Variants in GAPVD1 observed in about 807,000 individuals in gnomAD.
GAPVD1 encodes the protein GTPase activating protein and VPS9 domains 1, also known as GTPase-activating protein and VPS9 domain-containing protein 1.
GAPVD1 carries 35 observed loss-of-function variants against 155.5 expected under a neutral mutation model. That is an observed-to-expected ratio of 0.23 (90% CI 0.17 to 0.30). The LOEUF is 0.30. Among genes scored for constraint, GAPVD1 ranks in the 10% least tolerant of loss-of-function variants. GAPVD1 has a pLI of 1.00. For missense variants in GAPVD1, 1,429 were observed against 1,775.7 expected (o/e 0.80, Z 3.51); for synonymous variants, 636 against 619.7 (o/e 1.03, Z -0.39).
At chr9:125,352,888 C>T (rs1449537343) in intron 23 of GAPVD1, among the ~76,000 whole-genome samples, 3 of 152,106 alleles carry the variant, frequency 2.0e-5, no homozygotes, top group African/African-American at 4.8e-5. Context: ...AGGTGGATCA[C>T]CCGAGGTCAG....
Position 125,321,496 on chromosome 9 carries a change from C to T in GAPVD1, c.1666C>T (p.His556Tyr). 6.2e-7 allele frequency: 1 copy of T among 1,612,894 alleles called. No homozygotes were observed. ...TGTCCCTGTTGATGAAAACAAACTC[C>T]ATGGTAAACCTGATAAAACCTTGCG... ...GDVPVDENKL[H>Y]GKPDKTLRFS... is the part of the protein sequence containing the mutation. The change falls in exon 10 of 28, where the codon CAT (histidine) becomes TAT (tyrosine). Residue 556 changes from histidine to tyrosine, a missense_variant. By Grantham distance (83) the His-to-Tyr change is moderately conservative (BLOSUM62 2). Transcript: ENST00000297933.
chr9:125,284,269 C>T (rs1837279674), intron 2 of GAPVD1, among the ~76,000 whole-genome samples: 1 of 145,246 alleles, frequency 6.9e-6, no homozygotes, highest in East Asian at 2.0e-4. Context: ...GCTGGAACTT[C>T]CACCTCCCAG....
rs1845906223 is a variant in GAPVD1 at position 125,330,364 on chromosome 9, G to A, written c.2173+146G>A. ...GATGGAGTCTTGCTCTTTTACCCAG[G>A]CTGGAGTGCTGTGGCGCGATCCCAA... On this transcript the variant is annotated intron_variant, in intron 13 of 27. Transcript: ENST00000297933. 8 of 505,010 alleles carry A rather than the reference G, an allele frequency of 1.6e-5. No individual in the cohort carries two copies. The South Asian group carries it at 2.7e-4, about 17-fold the overall frequency. The allele number at this position is 505,010 out of a possible 1,614,324, so 31.3% of individuals were successfully genotyped here. A position where few individuals can be genotyped will look rare whatever the true frequency, so the allele number is the denominator to read the frequency against.
chr9:125,331,880 TG>T (rs762026942), intron 13 of GAPVD1, 45 bp from the exon 14 acceptor site: 10 of 1,597,484 alleles, frequency 6.3e-6, no homozygotes, highest in Non-Finnish European at 8.6e-6. Context: ...AATTGTGGTG[TG>T]CTAAGAGAAT....
chr9:125,334,571 A>G (rs1052126720), intron 15 of GAPVD1, among the ~76,000 whole-genome samples: 2 of 152,074 alleles, frequency 1.3e-5, no homozygotes, highest in African/African-American at 2.4e-5. Flanking sequence ...TTTCTTATGA[A>G]TACGTAATTG....
intron 21 of GAPVD1, 119 bp from the exon 22 acceptor site, chr9:125,350,176 T>A: frequency 4.6e-6 from 3 of 651,888 alleles, no homozygotes; most frequent in South Asian, 3.7e-5. Context: ...AAGAATCATC[T>A]TCTTTAAAAT....
rs370653478 is a variant in GAPVD1, at chr9:125,278,385, G to T, written c.-150+9401G>T. Among the ~76,000 whole-genome samples, 33 of 152,208 alleles carry T rather than the reference G, an allele frequency of 2.2e-4. No individual in the cohort carries two copies. The East Asian group carries it at 6.0e-3, about 28-fold the overall frequency. ...AAAATACAAAAATTAGCCGGACGTGGTAGTGGGTGCTGGTAATCCCAGGTA... is the reference window on the plus strand; with the variant it reads ...AAAATACAAAAATTAGCCGGACGTGTTAGTGGGTGCTGGTAATCCCAGGTA... On this transcript the variant is annotated intron_variant, in intron 2 of 27. Transcript: ENST00000297933.
chr9:125,314,623 C>T (rs999229635), intron 9 of GAPVD1, among the ~76,000 whole-genome samples: 2 of 151,858 alleles, frequency 1.3e-5, no homozygotes, highest in East Asian at 2.0e-4. Context: ...CATTGCACTC[C>T]AGCCTGGGCA....
chr9:125,333,570 C>T (rs547006461), intron 15 of GAPVD1, among the ~76,000 whole-genome samples: 32 of 148,606 alleles, frequency 2.2e-4, no homozygotes, highest in Non-Finnish European at 3.4e-4. Context: ...CTCACCACAA[C>T]CTCTGTCTCC....
chr9:125,314,057 G>T (rs761583679), intron 9 of GAPVD1, among the ~76,000 whole-genome samples: 10 of 152,184 alleles, frequency 6.6e-5, no homozygotes, highest in Admixed American at 1.3e-4. Flanking sequence ...GAATTTTCCA[G>T]GCAGTAGCAG....
At chr9:125,350,906 AGTT>A in intron 23 of GAPVD1, 34 bp downstream of exon 23, 1 of 1,511,378 alleles carries the variant, frequency 6.6e-7, no homozygotes, top group Non-Finnish European at 9.0e-7. Flanking sequence ...TTTTAAACCT[AGTT>A]GTTAGCTGCA....
At position 125,302,750 on chromosome 9, in the gene GAPVD1, C is replaced by G; in HGVS notation, c.953C>G (p.Ala318Gly). Residue 318 changes from alanine to glycine, a missense_variant, in exon 5 of 28, where the codon GCA becomes GGA. This residue lies in a region of GAPVD1 where 628 missense variants were observed against 733.4 expected (regional missense o/e 0.86). Transcript: ENST00000297933. The part of the protein sequence containing the change: ...DLLLACFICP[A>G]VVNPEQYGII... ...CTGTTGGCCTGCTTCATTTGTCCTG[C>G]AGTTGTCAATCCAGAACAATATGGA... 6.2e-7 allele frequency: 1 copy of G among 1,613,996 alleles called. No individual in the cohort carries two copies. Among genetic ancestry groups the G allele is most frequent in the South Asian group, 1.1e-5 (1 of 91,060 alleles).
At chr9:125,279,775 T>A (rs932150968) in intron 2 of GAPVD1, among the ~76,000 whole-genome samples, 1 of 151,590 alleles carries the variant, frequency 6.6e-6, no homozygotes, top group South Asian at 2.1e-4. Context: ...TTTTTTTTTT[T>A]TTTGATACGG....
intron 1 of GAPVD1, among the ~76,000 whole-genome samples, chr9:125,266,324 T>A (rs396015): frequency 0.57 from 79,279 of 139,612 alleles, 23,910 homozygotes; most frequent in African/African-American, 0.81. Flanking sequence ...ATTTTATTTT[T>A]TTTTTTTTAG....
chr9:125,304,963 C>G, intron 5 of GAPVD1, 100 bp from the exon 6 acceptor site: 1 of 743,216 alleles, frequency 1.3e-6, no homozygotes, highest in Non-Finnish European at 2.3e-6. Flanking sequence ...TATTATGAAA[C>G]AGATTTTTAG....
At position 125,346,843 on chromosome 9, in the gene GAPVD1, C is replaced by A; in HGVS notation, c.3071C>A (p.Ala1024Glu). ...GATGATCCCAGCCCTAGACTCAGTGCACAAGCTCAGGTGGCTGAGGATATT... is the reference window on the plus strand; with the variant it reads ...GATGATCCCAGCCCTAGACTCAGTGAACAAGCTCAGGTGGCTGAGGATATT... ...LTDDPSPRLS[A>E]QAQVAEDILD... The change falls in exon 20 of 28, where the codon GCA (alanine) becomes GAA (glutamate). Residue 1024 changes from alanine to glutamate, a missense_variant. Physicochemically the swap from Ala to Glu is moderately radical, Grantham distance 107 (BLOSUM62 -1). Around this residue, in one of 4 missense-constraint regions of GAPVD1, gnomAD observed 699 missense variants for 826.0 expected, o/e 0.85. Coordinates refer to ENST00000297933, the MANE Select transcript of GAPVD1 (RefSeq NM_001282680.3). The A allele has an allele frequency of 6.2e-7, 1 of 1,614,040 alleles. No individual in the cohort carries two copies. The highest frequency in any genetic ancestry group is 8.5e-7 in the Non-Finnish European group (1 of 1,179,908).
chr9:125,307,978 G>T, intron 8 of GAPVD1, 98 bp downstream of exon 8: 2 of 833,030 alleles, frequency 2.4e-6, no homozygotes, highest in Non-Finnish European at 2.0e-6. Flanking sequence ...TTAAGTACTT[G>T]GGAAAGTCTT....
chr9:125,359,672 C>T, intron 26 of GAPVD1, 180 bp downstream of exon 26: 1 of 546,978 alleles, frequency 1.8e-6, no homozygotes, highest in South Asian at 2.5e-5. Flanking sequence ...TTAAAATTCC[C>T]TGGTATGAAA....
At chr9:125,328,983 C>T (rs1159589519) in intron 12 of GAPVD1, among the ~76,000 whole-genome samples, 6 of 151,880 alleles carry the variant, frequency 4.0e-5, no homozygotes, top group Admixed American at 3.9e-4. Context: ...ACCAGTCAGG[C>T]GTGGCGGCGC....
Sources: gnomAD v4.1 joint callset for allele counts (sites outside exome capture counted in the v4.1 genomes callset) on GRCh38, gnomAD v4.1.1 for gene constraint, gnomAD v4.1.1 regional missense constraint, MANE v1.5 for transcripts, NCBI Gene and HGNC (gene_info 2026-07-23, HGNC 2026-07-21) for gene names.